Variants in CHIC2 observed in about 807,000 individuals in gnomAD.
CHIC2 encodes the protein cysteine rich hydrophobic domain 2, also known as cysteine-rich hydrophobic domain-containing protein 2.
A neutral mutation model predicts 25.9 loss-of-function variants in CHIC2; 14 were observed. That is an observed-to-expected ratio of 0.54 (90% CI 0.36 to 0.85). CHIC2 has a LOEUF of 0.85. CHIC2 is among the 40% of genes least tolerant of loss of function. CHIC2 has a pLI of 0.01. For synonymous variants in CHIC2, 70 were observed against 72.0 expected, an observed-to-expected ratio of 0.97 and a Z score of 0.14; for missense variants, 146 against 202.0, an observed-to-expected ratio of 0.72 and a Z score of 1.68.
chr4:54,063,230 G>A (rs1269709721), intron 1 of CHIC2, among the ~76,000 whole-genome samples: 3 of 152,176 alleles, frequency 2.0e-5, no homozygotes, highest in Non-Finnish European at 4.4e-5. Context: ...AAAAGGTGAA[G>A]AAGTACAGAG....
At chr4:54,090,187 T>TTA in the CHIC2 span, among the ~76,000 whole-genome samples, 800 of 151,518 alleles carry the variant, frequency 5.3e-3, 4 homozygotes, top group African/African-American at 0.017. Flanking sequence ...TTATTTTATT[T>TTA]TATATATATA....
the CHIC2 span, among the ~76,000 whole-genome samples, chr4:54,070,932 A>C: frequency 6.6e-6 from 1 of 152,184 alleles, no homozygotes; most frequent in African/African-American, 2.4e-5. Flanking sequence ...TCTGACCTAA[A>C]ATGTTCAGGT....
intron 3 of CHIC2, among the ~76,000 whole-genome samples, chr4:54,043,150 G>A (rs954700919): frequency 4.6e-5 from 7 of 152,130 alleles, no homozygotes; most frequent in East Asian, 3.9e-4. Flanking sequence ...GGCCAGGCGC[G>A]GTGGCTCACG....
At chr4:54,034,173 G>A (rs1322815488) in intron 3 of CHIC2, among the ~76,000 whole-genome samples, 3 of 152,208 alleles carry the variant, frequency 2.0e-5, no homozygotes, top group African/African-American at 7.2e-5. Flanking sequence ...GGGAGGCTGA[G>A]GTGGACAGAT....
chr4:54,079,681 T>A, the CHIC2 span, among the ~76,000 whole-genome samples: 1 of 152,066 alleles, frequency 6.6e-6, no homozygotes, highest in Non-Finnish European at 1.5e-5. Flanking sequence ...GCATTACTAA[T>A]CATCAGGTAA....
At chr4:54,068,718 G>C (rs1273579830), upstream of CHIC2, among the ~76,000 whole-genome samples, 1 of 152,180 alleles carries the variant, frequency 6.6e-6, no homozygotes, top group Non-Finnish European at 1.5e-5. Flanking sequence ...CAAGCAATCA[G>C]TTCTGCAGTG....
chr4:54,043,749 C>T lies in CHIC2; in HGVS notation c.330+5206G>A, dbSNP rs576974327. Among the ~76,000 whole-genome samples, 8 of 152,236 alleles carry T rather than the reference C, an allele frequency of 5.3e-5. No homozygotes were observed. In the South Asian group the frequency reaches 8.3e-4, roughly 16 times the overall value. ...GCTAGGAAGAAACTGCATCAACTAA[C>T]GAGCAAAATAACCAGCTAACATCAT... On this transcript the variant is annotated intron_variant, in intron 3 of 5. Transcript: ENST00000263921.
intron 3 of CHIC2, among the ~76,000 whole-genome samples, chr4:54,024,153 C>T (rs1330593333): frequency 6.6e-6 from 1 of 152,204 alleles, no homozygotes; most frequent in Non-Finnish European, 1.5e-5. Context: ...CTACACAAGG[C>T]AAATGGTTCT....
chr4:54,091,810 G>A, the CHIC2 span, among the ~76,000 whole-genome samples: 708 of 152,252 alleles, frequency 4.7e-3, 7 homozygotes, highest in African/African-American at 0.015. Flanking sequence ...GTACACTTAT[G>A]CTCGCGCTCA....
chr4:54,054,931 C>G (rs1161546793), intron 1 of CHIC2, among the ~76,000 whole-genome samples: 1 of 152,002 alleles, frequency 6.6e-6, no homozygotes, highest in Admixed American at 6.6e-5. Flanking sequence ...GATCACCAGA[C>G]AAGTAATGAT....
chr4:54,079,816 A>C, the CHIC2 span, among the ~76,000 whole-genome samples: 3 of 152,124 alleles, frequency 2.0e-5, no homozygotes, highest in Non-Finnish European at 4.4e-5. Flanking sequence ...ATTTTTTAAA[A>C]TAGAATGGCT....
the CHIC2 span, among the ~76,000 whole-genome samples, chr4:54,081,734 T>C: frequency 6.6e-6 from 1 of 152,080 alleles, no homozygotes; most frequent in Non-Finnish European, 1.5e-5. Context: ...GTTGTTGTTG[T>C]TGTTGTTTTT....
At chr4:54,091,269 G>T in the CHIC2 span, among the ~76,000 whole-genome samples, 1 of 152,138 alleles carries the variant, frequency 6.6e-6, no homozygotes, top group East Asian at 1.9e-4. Flanking sequence ...CCCACGCCAG[G>T]CTCCAGGACC....
At chr4:54,025,625 G>A (rs1034343667) in intron 3 of CHIC2, among the ~76,000 whole-genome samples, 2 of 152,018 alleles carry the variant, frequency 1.3e-5, no homozygotes, top group South Asian at 2.1e-4. Context: ...TTGGGATACC[G>A]AGAAGGGCGG....
At chr4:54,023,235 C>A (rs1432913448) in intron 3 of CHIC2, among the ~76,000 whole-genome samples, 1 of 152,162 alleles carries the variant, frequency 6.6e-6, no homozygotes, top group Non-Finnish European at 1.5e-5. Context: ...GCCCTGTAGC[C>A]TTTCTGTCCA....
intron 3 of CHIC2, among the ~76,000 whole-genome samples, chr4:54,027,064 A>T (rs538029266): frequency 5.0e-4 from 76 of 152,222 alleles, no homozygotes; most frequent in Admixed American, 2.6e-3. Context: ...AATGTGTTCA[A>T]GAAAAGAAAG....
the CHIC2 span, among the ~76,000 whole-genome samples, chr4:54,083,593 C>A: frequency 5.3e-5 from 8 of 152,082 alleles, 1 homozygote. Flanking sequence ...CTTTCTGTAC[C>A]CCTGTCCTAT....
intron 1 of CHIC2, among the ~76,000 whole-genome samples, chr4:54,058,288 CTAA>C (rs1717232841): frequency 1.3e-5 from 2 of 152,128 alleles, no homozygotes; most frequent in African/African-American, 4.8e-5. Flanking sequence ...CACGTAACCT[CTAA>C]GGTGGATATT....
chr4:54,010,058 C>T lies in CHIC2; in HGVS notation c.*37G>A, dbSNP rs139151247. The stretch of plus-strand genomic sequence containing the variant: ...ACCAAGCAAGGCACCATTGGAAAGA[C>T]AACATACTTGGAAAGTCTCTATAAA... On this transcript the variant is annotated 3_prime_UTR_variant, in exon 6 of 6. Transcript: ENST00000263921. 129 of 1,470,116 alleles carry T rather than the reference C, an allele frequency of 8.8e-5. No homozygotes were observed. Among genetic ancestry groups the T allele is most frequent in the Non-Finnish European group, 1.2e-4 (123 of 1,055,846 alleles). The allele number at this position is 1,470,116 out of a possible 1,614,324, so 91.1% of individuals were successfully genotyped here.
Sources: gnomAD v4.1 joint callset for allele counts (sites outside exome capture counted in the v4.1 genomes callset) on GRCh38, gnomAD v4.1.1 for gene constraint, MANE v1.5 for transcripts, NCBI Gene and HGNC (gene_info 2026-07-23, HGNC 2026-07-21) for gene names.